The following GPC5 variants were observed in gnomAD, a reference collection of about 807,000 sequenced individuals.
GPC5 encodes the protein glypican 5.
GPC5 carries 47 observed loss-of-function variants against 53.9 expected under a neutral mutation model. The ratio of observed to expected loss-of-function variants is 0.87; its 90% CI spans 0.69 to 1.11. GPC5 has a LOEUF of 1.11. Ranked by LOEUF, GPC5 falls within the 50% of genes most tolerant of loss-of-function variation. The pLI is 0.00. For missense variants in GPC5, 748 were observed against 713.1 expected (o/e 1.05, Z -0.56); for synonymous variants, 286 against 263.3 (o/e 1.09, Z -0.84).
chr13:92,811,337 G>C (rs1877292588), intron 7 of GPC5, among the ~76,000 whole-genome samples: 1 of 151,804 alleles, frequency 6.6e-6, no homozygotes, highest in Non-Finnish European at 1.5e-5. Context: ...CCATCGTAAT[G>C]GTATTTCATT....
chr13:92,379,623 GT>G (rs887764404), intron 7 of GPC5, among the ~76,000 whole-genome samples: 8 of 151,802 alleles, frequency 5.3e-5, no homozygotes, highest in African/African-American at 1.9e-4. Flanking sequence ...CTGCATATTA[GT>G]TCCTCTCTGT....
chr13:92,555,614 T>C (rs1226025515), intron 7 of GPC5, among the ~76,000 whole-genome samples: 1 of 150,174 alleles, frequency 6.7e-6, no homozygotes, highest in Admixed American at 6.7e-5. Context: ...ATATATAATA[T>C]AAGATAAAGT....
At chr13:92,294,826 C>CTTT (rs147963724) in intron 7 of GPC5, among the ~76,000 whole-genome samples, 6 of 99,012 alleles carry the variant, frequency 6.1e-5, no homozygotes, top group South Asian at 3.6e-4. Flanking sequence ...TTTTTTTTTT[C>CTTT]TTTTTTTTTT....
At chr13:92,003,545 T>G (rs2040576587) in intron 6 of GPC5, among the ~76,000 whole-genome samples, 1 of 152,108 alleles carries the variant, frequency 6.6e-6, no homozygotes, top group Non-Finnish European at 1.5e-5. Flanking sequence ...ATATAACATT[T>G]AACAGATTAT....
chr13:92,605,517 C>A (rs1483802776), intron 7 of GPC5, among the ~76,000 whole-genome samples: 1 of 151,588 alleles, frequency 6.6e-6, no homozygotes, highest in Admixed American at 6.6e-5. Context: ...TAGTTTATCC[C>A]TTTGAAACAT....
At chr13:92,039,755 T>G (rs2040927431) in intron 6 of GPC5, among the ~76,000 whole-genome samples, 1 of 152,250 alleles carries the variant, frequency 6.6e-6, no homozygotes, top group African/African-American at 2.4e-5. Flanking sequence ...CACGTGTTTT[T>G]TTTTCTATGT....
At chr13:91,971,282 C>T (rs530330259) in intron 6 of GPC5, among the ~76,000 whole-genome samples, 1 of 151,766 alleles carries the variant, frequency 6.6e-6, no homozygotes, top group Admixed American at 6.6e-5. Context: ...CTCTGATGGT[C>T]GTTTGTATTT....
chr13:92,167,438 G>A (rs775696382), intron 7 of GPC5, among the ~76,000 whole-genome samples: 1 of 152,030 alleles, frequency 6.6e-6, no homozygotes, highest in Non-Finnish European at 1.5e-5. Flanking sequence ...TAAAAGCAAT[G>A]CAAATGATTG....
chr13:92,436,941 AC>A (rs1877329653), intron 7 of GPC5, among the ~76,000 whole-genome samples: 1 of 152,192 alleles, frequency 6.6e-6, no homozygotes, highest in African/African-American at 2.4e-5. Context: ...AGATTTTATA[AC>A]TTTAATTATT....
intron 6 of GPC5, among the ~76,000 whole-genome samples, chr13:91,917,395 C>T (rs1464619850): frequency 6.6e-6 from 1 of 152,208 alleles, no homozygotes; most frequent in Non-Finnish European, 1.5e-5. Flanking sequence ...GGCCCCCCAC[C>T]CCCTTCCCAG....
intron 7 of GPC5, among the ~76,000 whole-genome samples, chr13:92,416,823 G>T (rs1049547267): frequency 6.6e-6 from 1 of 152,060 alleles, no homozygotes; most frequent in Non-Finnish European, 1.5e-5. Flanking sequence ...ACCTGTATCT[G>T]ATAAGAAACT....
At chr13:92,838,085 T>TA (rs112798292) in intron 7 of GPC5, among the ~76,000 whole-genome samples, 14,406 of 136,732 alleles carry the variant, frequency 0.11, 1,162 homozygotes, top group African/African-American at 0.23. Flanking sequence ...TCTCAAAAAA[T>TA]AAAAAAAAAA....
chr13:92,415,775 A>G (rs537813072), intron 7 of GPC5, among the ~76,000 whole-genome samples: 1 of 152,296 alleles, frequency 6.6e-6, no homozygotes, highest in South Asian at 2.1e-4. Context: ...ATCTAGGTGC[A>G]TGGCCTGAGG....
intron 2 of GPC5, among the ~76,000 whole-genome samples, chr13:91,692,182 C>A (rs76429768): frequency 0.011 from 1,616 of 152,104 alleles, 29 homozygotes; most frequent in African/African-American, 0.036. Context: ...CAAAATATCC[C>A]ACAGTAAAGT....
chr13:91,712,259 T>A (rs1333417071), intron 3 of GPC5, among the ~76,000 whole-genome samples: 2 of 151,946 alleles, frequency 1.3e-5, no homozygotes, highest in Non-Finnish European at 2.9e-5. Flanking sequence ...GATTCTCTAG[T>A]TAAGAGCATA....
chr13:91,502,866 G>A (rs575805046), intron 2 of GPC5, among the ~76,000 whole-genome samples: 1 of 152,310 alleles, frequency 6.6e-6, no homozygotes, highest in South Asian at 2.1e-4. Context: ...ACAAAATGGT[G>A]AAGCCAAGAT....
intron 4 of GPC5, among the ~76,000 whole-genome samples, chr13:91,747,812 G>T (rs1430418295): frequency 1.3e-5 from 2 of 152,148 alleles, no homozygotes; most frequent in Admixed American, 6.6e-5. Context: ...GAGATTTTCA[G>T]TTAATTAATT....
At chr13:91,750,211 A>G (rs1401722778) in intron 4 of GPC5, among the ~76,000 whole-genome samples, 2 of 152,196 alleles carry the variant, frequency 1.3e-5, no homozygotes, top group African/African-American at 4.8e-5. Flanking sequence ...CAAATTATCC[A>G]TTTTTATTGG....
intron 7 of GPC5, among the ~76,000 whole-genome samples, chr13:92,445,261 C>CA (rs1555335679): frequency 7.2e-6 from 1 of 138,500 alleles, no homozygotes; most frequent in African/African-American, 2.7e-5. Context: ...CTCTCTCTCT[C>CA]TTTTTTTTTT....
Sources: allele counts gnomAD v4.1 joint callset (sites outside exome capture counted in the v4.1 genomes callset), GRCh38; gene constraint gnomAD v4.1.1; transcripts MANE v1.5; gene names NCBI Gene and HGNC (gene_info 2026-07-23, HGNC 2026-07-21).